Variants in GRIP1 observed in about 807,000 individuals in gnomAD.
GRIP1 encodes glutamate receptor interacting protein 1.
Under a neutral mutation model 129.9 loss-of-function variants are expected in GRIP1, and 45 were observed. The observed-to-expected ratio is 0.35, with a 90% CI of 0.27 to 0.44. The LOEUF (loss-of-function observed/expected upper bound fraction) is 0.44, where lower values mean the gene tolerates loss of function less well. GRIP1 is among the 20% of genes least tolerant of loss of function. The pLI is 1.00. For synonymous variants in GRIP1, 530 were observed against 520.8 expected (o/e 1.02, Z -0.24); for missense variants, 1,196 against 1,396.8 (o/e 0.86, Z 2.29).
chr12:66,374,699 G>A (rs559640304), intron 22 of GRIP1, among the ~76,000 whole-genome samples: 1 of 152,332 alleles, frequency 6.6e-6, no homozygotes, highest in African/African-American at 2.4e-5. Context: ...GCTTTGATGA[G>A]TCTTAGCTGC....
chr12:66,369,846 G>A (rs2055385742), intron 23 of GRIP1, among the ~76,000 whole-genome samples: 1 of 152,174 alleles, frequency 6.6e-6, no homozygotes, highest in Admixed American at 6.5e-5. Flanking sequence ...GCCTAATGGT[G>A]TATGTCAATT....
upstream of GRIP1, chr12:66,679,261 C>T: frequency 1.7e-6 from 1 of 602,134 alleles, no homozygotes; most frequent in Non-Finnish European, 2.5e-6. Flanking sequence ...CTGAACAGTG[C>T]ATTCTGTTTA....
intron 1 of GRIP1, among the ~76,000 whole-genome samples, chr12:67,044,814 C>T (rs12312092): frequency 0.028 from 4,265 of 152,178 alleles, 222 homozygotes; most frequent in African/African-American, 0.098. Context: ...TTTTTCAATG[C>T]TTTTGCAATG....
chr12:66,563,869 G>C (rs530992385), intron 2 of GRIP1: 1 of 152,448 alleles, frequency 6.6e-6, no homozygotes, highest in East Asian at 1.9e-4. Flanking sequence ...AGAAGGGAAT[G>C]AACAGGTTCT....
chr12:66,778,656 A>C (rs2038064233), intron 1 of GRIP1, among the ~76,000 whole-genome samples: 1 of 152,200 alleles, frequency 6.6e-6, no homozygotes. Flanking sequence ...CCTATAAAGA[A>C]ACAAATCTTG....
At chr12:66,377,328 ATTTTT>A in intron 20 of GRIP1, 43 bp from the exon 21 acceptor site, 13 of 1,028,408 alleles carry the variant, frequency 1.3e-5, no homozygotes, top group Non-Finnish European at 1.9e-5. Flanking sequence ...CTTGCCAGAC[ATTTTT>A]TTTTTTTTTT....
intron 4 of GRIP1, 51 bp downstream of exon 4, chr12:66,539,027 T>TG (rs768019604): frequency 1.3e-6 from 2 of 1,511,388 alleles, no homozygotes; most frequent in Non-Finnish European, 1.8e-6. Context: ...AGGCATCCAC[T>TG]GGGGGTCTTG....
intron 7 of GRIP1, among the ~76,000 whole-genome samples, chr12:66,501,827 TATCTC>T (rs1337825450): frequency 6.6e-6 from 1 of 152,194 alleles, no homozygotes; most frequent in African/African-American, 2.4e-5. Flanking sequence ...ATTTAGTAAA[TATCTC>T]AGAATGCTAA....
At chr12:66,935,652 A>C (rs900200410) in intron 1 of GRIP1, among the ~76,000 whole-genome samples, 16 of 152,232 alleles carry the variant, frequency 1.1e-4, no homozygotes, top group African/African-American at 3.9e-4. Context: ...GGCAGCCCTC[A>C]GAATCACGGC....
chr12:67,053,513 ATTCCTC>A (rs2043381298), intron 1 of GRIP1, among the ~76,000 whole-genome samples: 1 of 152,148 alleles, frequency 6.6e-6, no homozygotes, highest in Non-Finnish European at 1.5e-5. Flanking sequence ...ACTACAAAAC[ATTCCTC>A]TACTGTTTTT....
chr12:66,694,720 C>T (rs1405739565), intron 1 of GRIP1, among the ~76,000 whole-genome samples: 2 of 151,920 alleles, frequency 1.3e-5, no homozygotes, highest in African/African-American at 4.8e-5. Context: ...CTTCCCCAAC[C>T]CACAGTCACC....
At chr12:66,636,319 T>G (rs1202845840) in intron 1 of GRIP1, among the ~76,000 whole-genome samples, 1 of 152,122 alleles carries the variant, frequency 6.6e-6, no homozygotes, top group African/African-American at 2.4e-5. Context: ...AAAAAAGGTC[T>G]GGAAATAGAT....
chr12:66,412,991 C>T (rs1001678946), intron 15 of GRIP1, among the ~76,000 whole-genome samples: 2 of 152,160 alleles, frequency 1.3e-5, no homozygotes, highest in African/African-American at 4.8e-5. Context: ...GAAACTTATA[C>T]TCCCACACAG....
At chr12:66,786,727 C>A (rs984855451) in intron 1 of GRIP1, among the ~76,000 whole-genome samples, 2 of 152,300 alleles carry the variant, frequency 1.3e-5, no homozygotes. Flanking sequence ...AGGGTCCTCA[C>A]ATGACTAGGA....
chr12:66,536,570 C>T (rs2061610223), intron 4 of GRIP1, among the ~76,000 whole-genome samples: 1 of 152,200 alleles, frequency 6.6e-6, no homozygotes, highest in Non-Finnish European at 1.5e-5. Context: ...CCCTCACCTC[C>T]TTCACAAGTC....
chr12:67,062,331 T>A (rs532955279), intron 1 of GRIP1, among the ~76,000 whole-genome samples: 1 of 152,332 alleles, frequency 6.6e-6, no homozygotes, highest in East Asian at 1.9e-4. Context: ...AGTATGTTCA[T>A]ACTCTACACT....
At chr12:67,037,420 T>C (rs980297867) in intron 1 of GRIP1, 1 of 151,208 alleles carries the variant, frequency 6.6e-6, no homozygotes, top group Non-Finnish European at 1.5e-5. Flanking sequence ...CAGAAGCCAA[T>C]TCTTGAAGTG....
intron 1 of GRIP1, among the ~76,000 whole-genome samples, chr12:67,036,219 G>A (rs1051827660): frequency 2.6e-5 from 4 of 152,140 alleles, no homozygotes; most frequent in African/African-American, 9.6e-5. Flanking sequence ...TGCATTTCAC[G>A]ATAACTTTTA....
At chr12:66,352,675 G>T (rs1032339665) in intron 24 of GRIP1, among the ~76,000 whole-genome samples, 2 of 148,144 alleles carry the variant, frequency 1.4e-5, no homozygotes, top group Non-Finnish European at 3.0e-5. Context: ...AGAGGTTGCA[G>T]TGAGTTAAGA....
Sources: gnomAD v4.1 joint callset for allele counts (sites outside exome capture counted in the v4.1 genomes callset) on GRCh38, gnomAD v4.1.1 for gene constraint, MANE v1.5 for transcripts, NCBI Gene and HGNC (gene_info 2026-07-23, HGNC 2026-07-21) for gene names.